LTK: variants seen among roughly 807,000 people sequenced by gnomAD.
LTK encodes the protein leukocyte tyrosine kinase receptor.
In LTK, 117 loss-of-function variants were observed where a neutral mutation model predicts 101.5. The observed-to-expected ratio is 1.15, with a 90% CI of 0.99 to 1.34. The LOEUF (loss-of-function observed/expected upper bound fraction) is 1.34, where lower values mean the gene tolerates loss of function less well. Among genes scored for constraint, LTK ranks in the 40% most tolerant of loss-of-function variants. LTK has a pLI of 0.00. For missense variants in LTK, 1,252 were observed against 1,164.7 expected (o/e 1.07, Z -1.09); for synonymous variants, 563 against 494.2 (o/e 1.14, Z -1.85).
At position 41,511,127 on chromosome 15, in the gene LTK, G is replaced by A. The variant is rs187921522; in HGVS notation, c.997+37C>T. 137 of 1,369,734 alleles carry A rather than the reference G, an allele frequency of 1.0e-4. No homozygotes were observed. In the East Asian group the frequency reaches 3.9e-3, roughly 39 times the overall value. The allele number at this position is 1,369,734 out of a possible 1,614,324, so 84.8% of individuals were successfully genotyped here. A position where few individuals can be genotyped will look rare whatever the true frequency, so the allele number is the denominator to read the frequency against. On this transcript the variant is annotated intron_variant, in intron 7 of 19. Transcript: ENST00000263800. The surrounding 1 kb of genome is among the most constrained non-coding windows in gnomAD (Gnocchi z 5.9). ...TAGGTTCTAACATCACCTCACCCTC[G>A]GGCCTGCTCAGCTGCCCTCTCCAAC...
At position 41,503,799 on chromosome 15, in the gene LTK, G is replaced by A. The variant is rs150595531; in HGVS notation, c.*197C>T. On this transcript the variant is annotated 3_prime_UTR_variant, in exon 20 of 20. Coordinates refer to ENST00000263800, the MANE Select transcript of LTK (RefSeq NM_002344.6). ...AAGATCAAAAGCTGGAAGTGGCTGG[G>A]CCCTTCCCTGGGAGGCCTGGGCTGG... The A allele has an allele frequency of 2.3e-3, 1,513 of 661,978 alleles. 17 individuals are homozygous for A. The highest frequency in any genetic ancestry group is 0.02 in the African/African-American group (1,125 of 55,244). 41.0% of individuals were successfully genotyped at this position (661,978 alleles called of 1,614,324 possible).
At chr15:41,507,716 G>T in intron 9 of LTK, 59 bp from the exon 10 acceptor site, 1 of 1,525,704 alleles carries the variant, frequency 6.6e-7, no homozygotes, top group African/African-American at 1.4e-5. Context: ...TTACCCTCAA[G>T]TTTTACCCAC....
intron 14 of LTK, 45 bp from the exon 15 acceptor site, chr15:41,505,350 C>T (rs748296457): frequency 1.2e-6 from 2 of 1,610,372 alleles, no homozygotes; most frequent in South Asian, 2.2e-5. Context: ...GTCTCAGACA[C>T]ATGGACAGGG....
Position 41,507,126 on chromosome 15 carries a change from C to T in LTK, c.1510G>A (p.Glu504Lys), listed in dbSNP as rs779964860. The change falls in exon 11 of 20, where the codon GAG becomes AAG. Residue 504 changes from glutamate to lysine, a missense_variant. Coordinates refer to ENST00000263800, the MANE Select transcript of LTK (RefSeq NM_002344.6). The stretch of plus-strand genomic sequence containing the variant: ...AGAGTAACATTGGCTGGGGAAACCT[C>T]GGTGACACCTGGTGGCAGAGGCCAG... ...QSWPLPPGVT[E>K]VSPANVTLLR... 8.1e-6 allele frequency: 13 copies of T among 1,613,522 alleles called. No homozygotes were observed. Among genetic ancestry groups the T allele is most frequent in the South Asian group, 6.6e-5 (6 of 91,024 alleles).
Position 41,504,515 on chromosome 15 carries a change from G to A in LTK, c.2246C>T (p.Pro749Leu), listed in dbSNP as rs992340899. The A allele has an allele frequency of 1.9e-6, 3 of 1,613,388 alleles. No individual in the cohort carries two copies. The African/African-American group carries it at 4.0e-5, about 22-fold the overall frequency. Residue 749 changes from proline to leucine, a missense_variant, in exon 18 of 20, where the codon CCA (proline) becomes CTA (leucine). Pro to Leu is a moderately conservative substitution (Grantham distance 98, BLOSUM62 -3). Transcript: ENST00000263800. ...GGRMDPPRGC[P>L]GPVYRIMTQC... ...GCAGCACTCAACTCACACAGGCCCT[G>A]GGCAGCCCCTAGGAGGGTCCATCCG...
In LTK at chr15:41,513,821, G is replaced by C. The variant is rs531611976; in HGVS notation, c.-112C>G. 1 of 937,882 alleles carries C rather than the reference G, an allele frequency of 1.1e-6. No homozygotes were observed. The highest frequency in any genetic ancestry group is 1.7e-6 in the Non-Finnish European group (1 of 577,836). The allele number at this position is 937,882 out of a possible 1,614,324, so 58.1% of individuals were successfully genotyped here. A position where few individuals can be genotyped will look rare whatever the true frequency, so the allele number is the denominator to read the frequency against. ...GCAGCCCTGGCCACCACTTACAGGG[G>C]TGTGCTGCCGCTGGCGAGACACTCC... On this transcript the variant is annotated 5_prime_UTR_variant, in exon 1 of 20. Coordinates refer to ENST00000263800, the MANE Select transcript of LTK (RefSeq NM_002344.6).
chr15:41,510,052 G>T (rs2051402949), intron 7 of LTK, among the ~76,000 whole-genome samples: 1 of 151,880 alleles, frequency 6.6e-6, no homozygotes, highest in East Asian at 2.0e-4. Flanking sequence ...TGTCACCCAG[G>T]CTGGAGTGCA....
chr15:41,511,380 A>G lies in LTK; in HGVS notation c.815-34T>C. 1 of 1,364,088 alleles carries G rather than the reference A, an allele frequency of 7.3e-7. No homozygotes were observed. 84.5% of individuals were successfully genotyped at this position (1,364,088 alleles called of 1,614,324 possible). The stretch of plus-strand genomic sequence containing the variant: ...CGACAGCAGGAAGGTTGGCAGCCAC[A>G]CGGGGAGCACGCCCGCCTCTCCCCG... On this transcript the variant is annotated intron_variant, in intron 6 of 19. Transcript: ENST00000263800. The surrounding 1 kb of genome is among the most constrained non-coding windows in gnomAD (Gnocchi z 5.9).
In LTK at chr15:41,504,134, C is replaced by T. The variant is rs765606922; in HGVS notation, c.2457G>A (p.Gln819=). Residue 819 remains glutamine (Q), a synonymous_variant, in exon 20 of 20, where the codon CAG becomes CAA. Transcript: ENST00000263800. ...ACTTCTCTGGACTCAGTTCCTGGGG[C>T]TGTGGGGGTCTTAGGCACTCCAAAG... is the stretch of plus-strand genomic sequence containing the variant. ...NRSLECLRPP[Q]PQELSPEKLK... The T allele has an allele frequency of 1.2e-6, 2 of 1,614,082 alleles. No individual in the cohort carries two copies. The highest frequency in any genetic ancestry group is 1.7e-6 in the Non-Finnish European group (2 of 1,180,008).
At chr15:41,509,252 C>T in intron 7 of LTK, 123 bp from the exon 8 acceptor site, 1 of 717,720 alleles carries the variant, frequency 1.4e-6, no homozygotes, top group South Asian at 1.5e-5. Context: ...CAAATGCTGT[C>T]TGTTCACAAG....
intron 3 of LTK, 41 bp from the exon 4 acceptor site, chr15:41,512,306 A>G: frequency 1.9e-6 from 3 of 1,580,246 alleles, no homozygotes; most frequent in Non-Finnish European, 2.6e-6. Flanking sequence ...TTCGGTGCTC[A>G]GGCCGGCCGC....
Position 41,511,841 on chromosome 15 carries a change from G to A in LTK, c.633C>T (p.Gly211=). 1 of 696,728 alleles carries A rather than the reference G, an allele frequency of 1.4e-6. No individual in the cohort carries two copies. The highest frequency in any genetic ancestry group is 4.1e-5 in the Admixed American group (1 of 24,398). The allele number at this position is 696,728 out of a possible 1,614,324, so 43.2% of individuals were successfully genotyped here. A position where few individuals can be genotyped will look rare whatever the true frequency, so the allele number is the denominator to read the frequency against. ...SRRWAGGGGG[G]GGATYVFRVR... is the part of the protein sequence containing the mutation. ...CCCGGAAAACGTAGGTGGCGCCCCC[G>A]CCACCCCCGCCACCTCCCGCCCAGC... The change falls in exon 5 of 20, where the codon GGC becomes GGT. Residue 211 remains glycine (G), a synonymous_variant. Transcript: ENST00000263800. This position sits in a 1 kb window ranked among gnomAD's most constrained non-coding sequence, Gnocchi z 5.9.
chr15:41,504,514 T>A lies in LTK; in HGVS notation c.2247A>T (p.Pro749=), dbSNP rs2051185382. The A allele has an allele frequency of 1.2e-6, 2 of 1,613,112 alleles. No homozygotes were observed. The highest frequency in any genetic ancestry group is 4.5e-5 in the East Asian group (2 of 44,876). ...GGRMDPPRGC[P]GPVYRIMTQC... ...GGCAGCACTCAACTCACACAGGCCC[T>A]GGGCAGCCCCTAGGAGGGTCCATCC... Residue 749 remains proline, a synonymous_variant, in exon 18 of 20, where the codon CCA becomes CCT. Transcript: ENST00000263800.
At position 41,503,773 on chromosome 15, in the gene LTK, C is replaced by T. The variant is rs894886756; in HGVS notation, c.*223G>A. On this transcript the variant is annotated 3_prime_UTR_variant, in exon 20 of 20. Coordinates refer to ENST00000263800, the MANE Select transcript of LTK (RefSeq NM_002344.6). ...GTGTGTGTAAGGCGGCCTCTGGCCC[C>T]AAGATCAAAAGCTGGAAGTGGCTGG... The T allele has an allele frequency of 5.8e-5, 36 of 625,882 alleles. No individual in the cohort carries two copies. The highest frequency in any genetic ancestry group is 9.6e-5 in the Non-Finnish European group (34 of 353,136). The allele number at this position is 625,882 out of a possible 1,614,324, so 38.8% of individuals were successfully genotyped here.
chr15:41,511,449 CG>C lies in LTK; in HGVS notation c.786del (p.Ser264AlafsTer110). ...PEKLENRSEA[P>X]GSGGRGGAAG... The stretch of plus-strand genomic sequence containing the variant: ...GCCGCCCCGCCTCTCCCGCCGCTCC[CG>C]GGCGCCTCCGAGCGGTTCTCCAGTT... On this transcript the variant is annotated frameshift_variant, in exon 6 of 20. Coordinates refer to ENST00000263800, the MANE Select transcript of LTK (RefSeq NM_002344.6). LOFTEE classifies it high-confidence loss of function. The surrounding 1 kb of genome is among the most constrained non-coding windows in gnomAD (Gnocchi z 5.9). The C allele has an allele frequency of 7.1e-7, 1 of 1,414,310 alleles. No homozygotes were observed. The highest frequency in any genetic ancestry group is 9.2e-7 in the Non-Finnish European group (1 of 1,091,214). The allele number at this position is 1,414,310 out of a possible 1,614,324, so 87.6% of individuals were successfully genotyped here.
At position 41,512,863 on chromosome 15, in the gene LTK, C is replaced by G. The variant is rs1318311011; in HGVS notation, c.203G>C (p.Trp68Ser). 2 of 1,611,668 alleles carry G rather than the reference C, an allele frequency of 1.2e-6. No individual in the cohort carries two copies. Among genetic ancestry groups the G allele is most frequent in the African/African-American group, 1.3e-5 (1 of 75,034 alleles). ...GCTGGCCCCGCAGGTAGAAAACAGC[C>G]AAGACCCCTCGGTGCCTGAGAGCAA... Reference protein sequence around the residue: ...PLNSPGTEGSWLFSTCGASGR... With the variant: ...PLNSPGTEGSSLFSTCGASGR... Residue 68 changes from tryptophan to serine, a missense_variant, in exon 3 of 20, where the codon TGG becomes TCG. Physicochemically the swap from Trp to Ser is radical, Grantham distance 177 (BLOSUM62 -3). Coordinates refer to ENST00000263800, the MANE Select transcript of LTK (RefSeq NM_002344.6).
chr15:41,511,771 G>A lies in LTK; in HGVS notation c.657+46C>T. ...AGAGCCGGTGCGTGAGCGCCCCTGGGGAGAGGATTGGGACCCCAACGCTGA... is the reference window on the plus strand; with the variant it reads ...AGAGCCGGTGCGTGAGCGCCCCTGGAGAGAGGATTGGGACCCCAACGCTGA... On this transcript the variant is annotated intron_variant, in intron 5 of 19. Coordinates refer to ENST00000263800, the MANE Select transcript of LTK (RefSeq NM_002344.6). The surrounding 1 kb of genome is among the most constrained non-coding windows in gnomAD (Gnocchi z 5.9). The A allele has an allele frequency of 6.8e-7, 1 of 1,474,162 alleles. No homozygotes were observed. Among genetic ancestry groups the A allele is most frequent in the Non-Finnish European group, 8.9e-7 (1 of 1,124,656 alleles). The allele number at this position is 1,474,162 out of a possible 1,614,324, so 91.3% of individuals were successfully genotyped here. A position where few individuals can be genotyped will look rare whatever the true frequency, so the allele number is the denominator to read the frequency against.
chr15:41,503,782 A>C lies in LTK; in HGVS notation c.*214T>G. ...AGGCGGCCTCTGGCCCCAAGATCAA[A>C]AGCTGGAAGTGGCTGGGCCCTTCCC... On this transcript the variant is annotated 3_prime_UTR_variant, in exon 20 of 20. Transcript: ENST00000263800. The C allele has an allele frequency of 1.6e-6, 1 of 633,816 alleles. No homozygotes were observed. Among genetic ancestry groups the C allele is most frequent in the Non-Finnish European group, 2.8e-6 (1 of 361,172 alleles). 39.3% of individuals were successfully genotyped at this position (633,816 alleles called of 1,614,324 possible). A position where few individuals can be genotyped will look rare whatever the true frequency, so the allele number is the denominator to read the frequency against.
chr15:41,504,085 GA>G lies in LTK; in HGVS notation c.2505del (p.Gly837AlafsTer?). On this transcript the variant is annotated frameshift_variant, in exon 20 of 20. Transcript: ENST00000263800. LOFTEE classifies it low-confidence loss of function (END_TRUNC). ...PEKLKSWGGS[P>X]LGPWLSSGLK... Reference sequence around the variant, plus strand: ...AGGCCAGAGGACAGCCAGGGGCCAAGAGGGCTACCTCCCCAGCTTTTCAACT... The same window carrying G: ...AGGCCAGAGGACAGCCAGGGGCCAAGGGGCTACCTCCCCAGCTTTTCAACT... The G allele has an allele frequency of 6.2e-7, 1 of 1,614,078 alleles. No homozygotes were observed. The highest frequency in any genetic ancestry group is 8.5e-7 in the Non-Finnish European group (1 of 1,180,030).
Sources: allele counts gnomAD v4.1 joint callset (sites outside exome capture counted in the v4.1 genomes callset), GRCh38; gene constraint gnomAD v4.1.1; non-coding constraint Gnocchi (gnomAD v3.1); transcripts MANE v1.5; gene names NCBI Gene and HGNC (gene_info 2026-07-23, HGNC 2026-07-21).